COL4A2: variants seen among roughly 807,000 people sequenced by gnomAD.
The protein encoded by COL4A2 is collagen alpha-2(IV) chain.
In COL4A2, 99 loss-of-function variants were observed where a neutral mutation model predicts 200.2. The ratio of observed to expected loss-of-function variants is 0.49; its 90% CI spans 0.42 to 0.58. The LOEUF is 0.58. COL4A2 is among the 20% of genes least tolerant of loss of function. The pLI, the probability that COL4A2 is intolerant of heterozygous loss-of-function variation, is 0.00. For missense variants in COL4A2, 1,950 were observed against 2,314.1 expected (o/e 0.84, Z 3.23); for synonymous variants, 897 against 900.6 (o/e 1.00, Z 0.07).
chr13:110,495,785 C>G (rs1883435115), intron 40 of COL4A2, among the ~76,000 whole-genome samples: 2 of 152,204 alleles, frequency 1.3e-5, no homozygotes, highest in African/African-American at 4.8e-5. Flanking sequence ...AACAAGCACT[C>G]TGGGTAGTGA....
intron 40 of COL4A2, among the ~76,000 whole-genome samples, chr13:110,500,289 G>A (rs9521810): frequency 0.87 from 132,776 of 152,020 alleles, 58,807 homozygotes; most frequent in Middle Eastern, 0.96. Flanking sequence ...CAGAGCAGAA[G>A]TGATGCCCTC....
intron 33 of COL4A2, 56 bp from the exon 34 acceptor site, chr13:110,485,599 T>C: frequency 1.4e-6 from 2 of 1,409,456 alleles, no homozygotes; most frequent in Non-Finnish European, 1.9e-6. Flanking sequence ...AATTGAAAAC[T>C]GGAGGGCGGG....
intron 4 of COL4A2, among the ~76,000 whole-genome samples, chr13:110,362,022 A>T (rs1352623606): frequency 6.6e-6 from 1 of 152,164 alleles, no homozygotes; most frequent in Non-Finnish European, 1.5e-5. Flanking sequence ...TTTCCAGCAT[A>T]ATCATCTTCT....
intron 4 of COL4A2, among the ~76,000 whole-genome samples, chr13:110,389,021 C>A (rs1050812182): frequency 1.3e-5 from 2 of 152,214 alleles, no homozygotes; most frequent in Admixed American, 1.3e-4. Context: ...TCCACCTCAC[C>A]CTTTCTTTAA....
chr13:110,472,629 G>A (rs924011721), intron 28 of COL4A2, among the ~76,000 whole-genome samples: 1 of 152,074 alleles, frequency 6.6e-6, no homozygotes, highest in Non-Finnish European at 1.5e-5. Context: ...TGCAAAGCAG[G>A]GGAACCCATG....
At chr13:110,421,772 G>A (rs1880260715) in intron 4 of COL4A2, among the ~76,000 whole-genome samples, 1 of 152,234 alleles carries the variant, frequency 6.6e-6, no homozygotes, top group Non-Finnish European at 1.5e-5. Context: ...GGAAAGGAAA[G>A]ACTAGAGTTT....
chr13:110,471,211 T>C (rs1455508588), intron 28 of COL4A2, among the ~76,000 whole-genome samples: 1 of 152,372 alleles, frequency 6.6e-6, no homozygotes, highest in East Asian at 1.9e-4. Flanking sequence ...TGCCCAGCCA[T>C]GTGTGCGTGA....
Position 110,438,526 on chromosome 13 carries a change from C to T in COL4A2, c.862-92C>T, listed in dbSNP as rs1356789120. 2.6e-6 allele frequency: 4 copies of T among 1,514,808 alleles called. No individual in the cohort carries two copies. In the African/African-American group the frequency reaches 5.5e-5, roughly 21 times the overall value. The allele number at this position is 1,514,808 out of a possible 1,614,324, so 93.8% of individuals were successfully genotyped here. On this transcript the variant is annotated intron_variant, in intron 14 of 47. Transcript: ENST00000360467. ...CTGGACACCATCGGGGCTGAGAACA[C>T]AGAGTCCTGGAGCAGAGGATGACAC... is the stretch of plus-strand genomic sequence containing the variant.
intron 3 of COL4A2, among the ~76,000 whole-genome samples, chr13:110,336,687 G>A (rs1164740312): frequency 2.0e-5 from 3 of 152,168 alleles, no homozygotes; most frequent in East Asian, 3.8e-4. Flanking sequence ...TCAGGGGGTG[G>A]CATCTCATCT....
chr13:110,434,144 C>T (rs1373760242), intron 11 of COL4A2, among the ~76,000 whole-genome samples: 2 of 152,110 alleles, frequency 1.3e-5, no homozygotes, highest in African/African-American at 4.8e-5. Context: ...CTGCAGAGAC[C>T]ATATACTCAC....
At chr13:110,479,198 G>A (rs977640218) in intron 30 of COL4A2, among the ~76,000 whole-genome samples, 3 of 152,188 alleles carry the variant, frequency 2.0e-5, no homozygotes, top group Admixed American at 2.0e-4. Flanking sequence ...GTCGTGTGGT[G>A]CTTACGAGAC....
rs76516952 is a variant in COL4A2 at position 110,349,359 on chromosome 13, C to G, written c.100-8113C>G. On this transcript the variant is annotated intron_variant, in intron 3 of 47. Transcript: ENST00000360467. ...TCCCCGGTGGCAAAGGAGGGACTCT[C>G]CCTCTGCCTGGTGGCACAGGATCCT... is the stretch of plus-strand genomic sequence containing the variant. Among the ~76,000 whole-genome samples, 1,485 of 152,278 alleles carry G rather than the reference C, an allele frequency of 9.8e-3. 28 individuals carry two copies. The highest frequency in any genetic ancestry group is 0.033 in the African/African-American group (1,389 of 41,558).
At chr13:110,440,506 G>A (rs907476157) in intron 16 of COL4A2, among the ~76,000 whole-genome samples, 8 of 152,254 alleles carry the variant, frequency 5.3e-5, no homozygotes, top group African/African-American at 1.7e-4. Flanking sequence ...TGAGGCAGGA[G>A]AATCACTTGA....
intron 4 of COL4A2, among the ~76,000 whole-genome samples, chr13:110,377,883 A>G (rs74602031): frequency 0.011 from 1,603 of 152,380 alleles, 19 homozygotes; most frequent in Middle Eastern, 0.048. Flanking sequence ...TCTTCTTCAC[A>G]GAACTTTTCT....
At chr13:110,405,696 T>G (rs1272470185) in intron 4 of COL4A2, among the ~76,000 whole-genome samples, 2 of 152,212 alleles carry the variant, frequency 1.3e-5, no homozygotes, top group South Asian at 4.1e-4. Context: ...ACTTACACAT[T>G]GAGCAATTTA....
rs142256543 is a variant in COL4A2 at position 110,359,573 on chromosome 13, A to G, written c.180+2021A>G. ...AATTATAACAGCCCTTGGGTGTCCA[A>G]ATGAGTTTCCCCAAGTTGAATCCTG... On this transcript the variant is annotated intron_variant, in intron 4 of 47. Coordinates refer to ENST00000360467, the MANE Select transcript of COL4A2 (RefSeq NM_001846.4). 2.1e-4 allele frequency among the ~76,000 whole-genome samples: 32 copies of G among 152,258 alleles called. No homozygotes were observed. The South Asian group carries it at 2.5e-3, about 12-fold the overall frequency.
chr13:110,459,214 G>T, intron 22 of COL4A2: 1 of 338,114 alleles, frequency 3.0e-6, no homozygotes, highest in Non-Finnish European at 5.4e-6. Context: ...TGCCACTCCT[G>T]GTGTATCCCC....
At chr13:110,507,600 T>G in intron 46 of COL4A2, 2 of 345,078 alleles carry the variant, frequency 5.8e-6, no homozygotes, top group Non-Finnish European at 5.3e-6. Flanking sequence ...GCCATCAGAG[T>G]TTTCTTGGGG....
intron 4 of COL4A2, among the ~76,000 whole-genome samples, chr13:110,406,629 G>A (rs961892066): frequency 9.4e-6 from 1 of 106,256 alleles, no homozygotes; most frequent in African/African-American, 3.0e-5. Context: ...TTTTTAGTGG[G>A]ACTCTTTTTT....
Sources: allele counts gnomAD v4.1 joint callset (sites outside exome capture counted in the v4.1 genomes callset), GRCh38; gene constraint gnomAD v4.1.1; transcripts MANE v1.5; gene names NCBI Gene and HGNC (gene_info 2026-07-23, HGNC 2026-07-21).